The following PRKD1 variants were observed in gnomAD, a reference collection of about 807,000 sequenced individuals.
PRKD1 encodes protein kinase D1.
In PRKD1, 63 loss-of-function variants were observed where a neutral mutation model predicts 95.9. The ratio of observed to expected loss-of-function variants is 0.66; its 90% CI spans 0.54 to 0.81. PRKD1 has a LOEUF of 0.81. Ranked by LOEUF, PRKD1 falls within the 30% of genes least tolerant of loss-of-function variation. The pLI is 0.00. For synonymous variants in PRKD1, 425 were observed against 423.1 expected (o/e 1.00, Z -0.05); for missense variants, 1,048 against 1,165.3 (o/e 0.90, Z 1.47).
intron 1 of PRKD1, among the ~76,000 whole-genome samples, chr14:29,817,124 T>C (rs1195394250): frequency 1.3e-5 from 2 of 152,232 alleles, no homozygotes; most frequent in Non-Finnish European, 2.9e-5. Context: ...AGTATGTTTC[T>C]TTCAAGTTTA....
intron 1 of PRKD1, among the ~76,000 whole-genome samples, chr14:29,781,112 G>T (rs1258846231): frequency 7.1e-6 from 1 of 139,910 alleles, no homozygotes; most frequent in East Asian, 2.2e-4. Context: ...ACACAGGAAG[G>T]GGAACATCAC....
intron 1 of PRKD1, among the ~76,000 whole-genome samples, chr14:29,746,770 A>G (rs148462247): frequency 1.9e-3 from 283 of 152,286 alleles, no homozygotes; most frequent in Non-Finnish European, 3.1e-3. Flanking sequence ...AGAACCTACT[A>G]AAAGCAGCCT....
chr14:29,850,168 C>T (rs1264514789), intron 1 of PRKD1, among the ~76,000 whole-genome samples: 1 of 152,080 alleles, frequency 6.6e-6, no homozygotes, highest in South Asian at 2.1e-4. Context: ...TCTTACCACT[C>T]TTATTCAACA....
intron 1 of PRKD1, among the ~76,000 whole-genome samples, chr14:29,811,692 G>A (rs539310141): frequency 9.2e-5 from 14 of 152,222 alleles, no homozygotes; most frequent in Non-Finnish European, 1.8e-4. Context: ...GGGGTCCTCA[G>A]TGGTGGGGAA....
chr14:29,655,982 A>G (rs903460047), intron 4 of PRKD1, among the ~76,000 whole-genome samples: 1 of 151,584 alleles, frequency 6.6e-6, no homozygotes, highest in African/African-American at 2.4e-5. Context: ...GGAACTGTAA[A>G]CAAGCAGTTA....
intron 4 of PRKD1, among the ~76,000 whole-genome samples, chr14:29,641,898 CTTTTTTTTT>C (rs751584936): frequency 8.6e-6 from 1 of 116,710 alleles, no homozygotes; most frequent in African/African-American, 3.3e-5. Flanking sequence ...AAAAATATTT[CTTTTTTTTT>C]TTTTTTTTTT....
chr14:29,772,739 C>T (rs974166191), intron 1 of PRKD1, among the ~76,000 whole-genome samples: 3 of 152,186 alleles, frequency 2.0e-5, no homozygotes, highest in African/African-American at 7.2e-5. Context: ...CCTCCAAAGA[C>T]TATAGAATTA....
intron 1 of PRKD1, among the ~76,000 whole-genome samples, chr14:29,784,518 C>A (rs189714760): frequency 6.6e-6 from 1 of 152,228 alleles, no homozygotes; most frequent in Admixed American, 6.5e-5. Context: ...TTATTTTAAT[C>A]CATGAGCATG....
At chr14:29,579,690 C>T (rs1268774490) in intron 16 of PRKD1, among the ~76,000 whole-genome samples, 1 of 152,120 alleles carries the variant, frequency 6.6e-6, no homozygotes, top group Admixed American at 6.6e-5. Context: ...AGAACCATAT[C>T]TCTATGGAGC....
At chr14:29,704,651 G>A (rs1282544055) in intron 2 of PRKD1, among the ~76,000 whole-genome samples, 6 of 151,954 alleles carry the variant, frequency 3.9e-5, no homozygotes, top group Admixed American at 3.9e-4. Context: ...CATTCACGTG[G>A]GAGCCTGTGT....
intron 1 of PRKD1, among the ~76,000 whole-genome samples, chr14:29,731,304 T>C (rs1055395740): frequency 6.6e-6 from 1 of 152,180 alleles, no homozygotes. Context: ...AAGGTCCAAA[T>C]CCTACTTTGC....
At chr14:29,735,975 T>G (rs1474911351) in intron 1 of PRKD1, among the ~76,000 whole-genome samples, 2 of 152,206 alleles carry the variant, frequency 1.3e-5, no homozygotes, top group Non-Finnish European at 2.9e-5. Context: ...AAACACTATA[T>G]TTTTCAATGA....
intron 1 of PRKD1, among the ~76,000 whole-genome samples, chr14:29,898,668 C>T (rs1894215046): frequency 6.6e-6 from 1 of 152,184 alleles, no homozygotes; most frequent in African/African-American, 2.4e-5. Flanking sequence ...ACAGAAGCCA[C>T]TGTTACTGCT....
In PRKD1 at chr14:29,719,973, C is replaced by T. The variant is rs79789262; in HGVS notation, c.403+5563G>A. ...GAGTTATGCTTCACATTAGCATGCA[C>T]CAAAGTTCTAAAGAGACTTGCAGCA... On this transcript the variant is annotated intron_variant, in intron 2 of 17. Transcript: ENST00000331968. 7.7e-3 allele frequency among the ~76,000 whole-genome samples: 1,171 copies of T among 152,240 alleles called. 17 individuals carry two copies. The highest frequency in any genetic ancestry group is 0.027 in the African/African-American group (1,107 of 41,546).
At chr14:29,780,158 A>C (rs1888978152) in intron 1 of PRKD1, among the ~76,000 whole-genome samples, 1 of 152,232 alleles carries the variant, frequency 6.6e-6, no homozygotes, top group African/African-American at 2.4e-5. Flanking sequence ...TAAAGACTTA[A>C]ATATTAGACC....
At chr14:29,706,418 C>G (rs773029024) in intron 2 of PRKD1, among the ~76,000 whole-genome samples, 1 of 152,050 alleles carries the variant, frequency 6.6e-6, no homozygotes, top group Non-Finnish European at 1.5e-5. Flanking sequence ...GTTTTAAAAA[C>G]CCACACTAAC....
Position 29,576,592 on chromosome 14 carries a change from T to C in PRKD1, c.*646A>G, listed in dbSNP as rs1277359454. 1 of 154,722 alleles carries C rather than the reference T, an allele frequency of 6.5e-6. No homozygotes were observed. Among genetic ancestry groups the C allele is most frequent in the Non-Finnish European group, 1.4e-5 (1 of 69,364 alleles). The allele number at this position is 154,722 out of a possible 1,614,324, so 9.6% of individuals were successfully genotyped here. ...ATAAGAAAGAGGGAAATGTATCTGTTATATATGGCAGTTTACATTTCTAAG... is the reference window on the plus strand; with the variant it reads ...ATAAGAAAGAGGGAAATGTATCTGTCATATATGGCAGTTTACATTTCTAAG... On this transcript the variant is annotated 3_prime_UTR_variant, in exon 18 of 18. Coordinates refer to ENST00000331968, the MANE Select transcript of PRKD1 (RefSeq NM_002742.3).
chr14:29,836,269 C>T (rs1038534890), intron 1 of PRKD1, among the ~76,000 whole-genome samples: 16 of 152,132 alleles, frequency 1.1e-4, no homozygotes, highest in African/African-American at 2.4e-4. Flanking sequence ...TTCTATCTGG[C>T]GAACTGTGAA....
At chr14:29,607,510 T>C (rs766087583) in intron 13 of PRKD1, among the ~76,000 whole-genome samples, 4 of 152,176 alleles carry the variant, frequency 2.6e-5, no homozygotes, top group Non-Finnish European at 5.9e-5. Flanking sequence ...ATCCAGTTAT[T>C]TGGGCTGCAG....
Sources: allele counts gnomAD v4.1 joint callset (sites outside exome capture counted in the v4.1 genomes callset), GRCh38; gene constraint gnomAD v4.1.1; transcripts MANE v1.5; gene names NCBI Gene and HGNC (gene_info 2026-07-23, HGNC 2026-07-21).